SLC29A2: variants seen among roughly 807,000 people sequenced by gnomAD.
SLC29A2 encodes the protein solute carrier family 29 member 2.
A neutral mutation model predicts 48.8 loss-of-function variants in SLC29A2; 37 were observed. The ratio of observed to expected loss-of-function variants is 0.76; its 90% confidence interval spans 0.58 to 1.00. SLC29A2 has a LOEUF of 1.00. Among genes scored for constraint, SLC29A2 ranks in the 50% least tolerant of loss-of-function variants. The pLI is 0.00. For synonymous variants in SLC29A2, 233 were observed against 261.7 expected (o/e 0.89, Z 1.06); for missense variants, 533 against 578.6 (o/e 0.92, Z 0.81).
Position 66,366,530 on chromosome 11 carries a change from T to A in SLC29A2, c.768A>T (p.Val256=). The change falls in exon 8 of 12, where the codon GTA becomes GTT. Residue 256 remains valine (V), a synonymous_variant. Transcript: ENST00000357440. The part of the protein sequence containing the change: ...ENGIPSSPQK[V]ALTLDLDLEK... Reference sequence around the variant, plus strand: ...CCAGGTCAAGATCCAGGGTCAGAGCTACTTTCTGGGGACTACTGGGAATCC... The same window carrying A: ...CCAGGTCAAGATCCAGGGTCAGAGCAACTTTCTGGGGACTACTGGGAATCC... The A allele has an allele frequency of 6.2e-7, 1 of 1,613,986 alleles. No individual in the cohort carries two copies. Among genetic ancestry groups the A allele is most frequent in the African/African-American group, 1.3e-5 (1 of 75,016 alleles).
At chr11:66,369,308 G>T in intron 3 of SLC29A2, 61 bp downstream of exon 3, 1 of 1,609,522 alleles carries the variant, frequency 6.2e-7, no homozygotes, top group East Asian at 2.2e-5. Context: ...AGGGGGCGCA[G>T]GGGAGGGCCT....
chr11:66,368,283 C>T (rs1413245124), intron 5 of SLC29A2, among the ~76,000 whole-genome samples: 1 of 152,162 alleles, frequency 6.6e-6, no homozygotes. Context: ...CAACTTCAAC[C>T]TGCTGCCACA....
chr11:66,370,931 A>G (rs1196121542), intron 2 of SLC29A2, among the ~76,000 whole-genome samples: 1 of 152,124 alleles, frequency 6.6e-6, no homozygotes, highest in Admixed American at 6.5e-5. Flanking sequence ...TTCAAAGAAA[A>G]TCAAACGTTC....
At position 66,363,218 on chromosome 11, in the gene SLC29A2, C is replaced by A. The variant is rs1005322331; in HGVS notation, c.*218G>T. The stretch of plus-strand genomic sequence containing the variant: ...TCCATGAGGTCTTGTGCGAGTCACC[C>A]CCATTCCTGGGTGAGGGTTAGAATG... On this transcript the variant is annotated 3_prime_UTR_variant, in exon 12 of 12. Transcript: ENST00000357440. 1.2e-5 allele frequency: 7 copies of A among 593,464 alleles called. No individual in the cohort carries two copies. The highest frequency in any genetic ancestry group is 1.1e-4 in the African/African-American group (6 of 54,020). 36.8% of individuals were successfully genotyped at this position (593,464 alleles called of 1,614,324 possible).
intron 10 of SLC29A2, 43 bp downstream of exon 10, chr11:66,365,893 C>T (rs752140547): frequency 1.3e-6 from 2 of 1,579,698 alleles, no homozygotes; most frequent in Non-Finnish European, 1.7e-6. Context: ...GGATCCCAAA[C>T]TGCTTCCTAA....
intron 1 of SLC29A2, 30 bp downstream of exon 1, chr11:66,371,533 G>A (rs1856042816): frequency 1.3e-6 from 2 of 1,549,864 alleles, no homozygotes; most frequent in Non-Finnish European, 1.7e-6. Context: ...AACGCCCCCG[G>A]CCACTTGCAA....
intron 2 of SLC29A2, among the ~76,000 whole-genome samples, chr11:66,370,060 G>A (rs1037920158): frequency 6.6e-6 from 1 of 152,198 alleles, no homozygotes; most frequent in Non-Finnish European, 1.5e-5. Context: ...CCCATCTTCT[G>A]CTCCATCCTG....
At chr11:66,368,951 G>C in intron 4 of SLC29A2, 109 bp downstream of exon 4, 2 of 1,401,030 alleles carry the variant, frequency 1.4e-6, no homozygotes, top group Non-Finnish European at 2.0e-6. Context: ...CCAGGGATAT[G>C]AGCGACCATG....
rs1855850138 is a variant in SLC29A2, at chr11:66,368,670, G to A, written c.417C>T (p.Ser139=). ...GGCTGCCCTGTAGGACTGCACTGAA[G>A]GCTGTGGAGGACAGGGATGGGGGCT... ...ITMASVCFIN[S]FSAVLQGSLF... The change falls in exon 5 of 12, where the codon TCC becomes TCT. Residue 139 remains serine (S), a splice_region_variant and synonymous_variant. Transcript: ENST00000357440. 6 of 1,595,936 alleles carry A rather than the reference G, an allele frequency of 3.8e-6. No individual in the cohort carries two copies. Among genetic ancestry groups the A allele is most frequent in the Non-Finnish European group, 5.1e-6 (6 of 1,171,392 alleles).
At chr11:66,366,896 T>C (rs901538051) in intron 7 of SLC29A2, among the ~76,000 whole-genome samples, 20 of 152,190 alleles carry the variant, frequency 1.3e-4, no homozygotes, top group Admixed American at 2.6e-4. Context: ...AGTTGAGTTG[T>C]GATAGCACTG....
chr11:66,369,470 G>T lies in SLC29A2; in HGVS notation c.174C>A (p.His58Gln). The T allele has an allele frequency of 6.2e-7, 1 of 1,614,086 alleles. No homozygotes were observed. Among genetic ancestry groups the T allele is most frequent in the Non-Finnish European group, 8.5e-7 (1 of 1,179,994 alleles). Residue 58 changes from histidine to glutamine, a missense_variant, in exon 3 of 12, where the codon CAC (histidine) becomes CAA (glutamine). His to Gln is a conservative substitution (Grantham distance 24). Transcript: ENST00000357440. ...AGTTGAAGGCATCCTCGGGACCCGT[G>T]TGGTTGGTGCTCAGGATCCTGGCTG... ...NSTARILSTN[H>Q]TGPEDAFNFN...
chr11:66,363,857 A>C, intron 11 of SLC29A2: 1 of 513,048 alleles, frequency 1.9e-6, no homozygotes, highest in Non-Finnish European at 3.5e-6. Context: ...CCCTTGAGGA[A>C]ATAGCCCATG....
Position 66,369,013 on chromosome 11 carries a change from G to C in SLC29A2, c.415+47C>G, listed in dbSNP as rs781203636. ...TGGGCCCTTTCAATGATGAGGCCAG[G>C]CTGAAGCCCTGCATAGGCTGGCTGG... On this transcript the variant is annotated intron_variant, in intron 4 of 11. Coordinates refer to ENST00000357440, the MANE Select transcript of SLC29A2 (RefSeq NM_001532.3). 4 of 1,575,456 alleles carry C rather than the reference G, an allele frequency of 2.5e-6. No individual in the cohort carries two copies. In the African/African-American group the frequency reaches 5.4e-5, roughly 21 times the overall value.
chr11:66,369,581 C>T (rs375666387), intron 2 of SLC29A2, 49 bp from the exon 3 acceptor site: 33 of 1,603,332 alleles, frequency 2.1e-5, no homozygotes, highest in Non-Finnish European at 2.5e-5. Flanking sequence ...AGCCTTCCCC[C>T]GCTGCCTTCC....
At position 66,366,416 on chromosome 11, in the gene SLC29A2, G is replaced by A; in HGVS notation, c.867+15C>T. The A allele has an allele frequency of 6.2e-7, 1 of 1,614,170 alleles. No individual in the cohort carries two copies. The highest frequency in any genetic ancestry group is 8.5e-7 in the Non-Finnish European group (1 of 1,180,038). On this transcript the variant is annotated intron_variant, in intron 8 of 11. Transcript: ENST00000357440. ...TCCCCAAAGATGGTGGTTGGGGGCT[G>A]TATCCAAGCCAAACCTTCTGGAAGA...
chr11:66,366,596 CT>C, intron 7 of SLC29A2, 32 bp from the exon 8 acceptor site: 1 of 1,608,186 alleles, frequency 6.2e-7, no homozygotes, highest in Non-Finnish European at 8.5e-7. Flanking sequence ...AAGGGTCATG[CT>C]TGTGACCCAG....
rs1380007468 is a variant in SLC29A2, at chr11:66,371,627, C to T, written c.-36G>A. 6 of 1,539,372 alleles carry T rather than the reference C, an allele frequency of 3.9e-6. No individual in the cohort carries two copies. The African/African-American group carries it at 6.8e-5, about 18-fold the overall frequency. ...GCGGATGCGCCTGGGGTGAAAGGGG[C>T]AGAGAAGCCGCACCTGCACCTGCGC... On this transcript the variant is annotated 5_prime_UTR_variant, in exon 1 of 12. Transcript: ENST00000357440.
chr11:66,367,747 G>A, intron 6 of SLC29A2, 25 bp downstream of exon 6: 2 of 1,600,360 alleles, frequency 1.2e-6, no homozygotes, highest in Non-Finnish European at 8.6e-7. Flanking sequence ...TTGAGGTGGG[G>A]CCTCGAGCCC....
chr11:66,365,424 TAC>T (rs1336167700), intron 10 of SLC29A2, among the ~76,000 whole-genome samples: 1 of 152,224 alleles, frequency 6.6e-6, no homozygotes, highest in Non-Finnish European at 1.5e-5. Context: ...CCACCGCATC[TAC>T]AGTTTACGTA....
Sources: gnomAD v4.1 joint callset for allele counts (sites outside exome capture counted in the v4.1 genomes callset) on GRCh38, gnomAD v4.1.1 for gene constraint, MANE v1.5 for transcripts, NCBI Gene and HGNC (gene_info 2026-07-23, HGNC 2026-07-21) for gene names.